ADAM12: variants seen among roughly 807,000 people sequenced by gnomAD.
ADAM12 encodes ADAM metallopeptidase domain 12.
A neutral mutation model predicts 106.4 loss-of-function variants in ADAM12; 70 were observed. That is an observed-to-expected ratio of 0.66 (90% CI 0.54 to 0.80). ADAM12 has a LOEUF of 0.80. ADAM12 is among the 30% of genes least tolerant of loss of function. The pLI is 0.00. For synonymous variants in ADAM12, 420 were observed against 433.5 expected (o/e 0.97, Z 0.39); for missense variants, 1,010 against 1,171.9 (o/e 0.86, Z 2.02).
chr10:126,291,044 AAG>A (rs2133779305), intron 2 of ADAM12, among the ~76,000 whole-genome samples: 4 of 152,346 alleles, frequency 2.6e-5, no homozygotes, highest in African/African-American at 9.6e-5. Flanking sequence ...GAGGCCTTCT[AAG>A]ACACAGCCAG....
chr10:126,229,474 T>TTA (rs1190204895), intron 3 of ADAM12, among the ~76,000 whole-genome samples: 1 of 152,098 alleles, frequency 6.6e-6, no homozygotes, highest in African/African-American at 2.4e-5. Context: ...AATAAAAAAG[T>TTA]TATATATATT....
chr10:126,216,969 A>G (rs1361589399), intron 3 of ADAM12, among the ~76,000 whole-genome samples: 1 of 152,218 alleles, frequency 6.6e-6, no homozygotes, highest in Non-Finnish European at 1.5e-5. Flanking sequence ...ATCCCACATG[A>G]CAATTAAGGA....
At chr10:126,162,490 C>T (rs941461581) in intron 3 of ADAM12, among the ~76,000 whole-genome samples, 1 of 152,124 alleles carries the variant, frequency 6.6e-6, no homozygotes, top group Non-Finnish European at 1.5e-5. Flanking sequence ...GGGGACAGAA[C>T]CTACATGCTG....
intron 10 of ADAM12, among the ~76,000 whole-genome samples, chr10:126,098,007 G>T (rs1167021677): frequency 1.3e-5 from 2 of 152,234 alleles, no homozygotes; most frequent in South Asian, 2.1e-4. Flanking sequence ...GGGCCATTGG[G>T]CTTGGAGACA....
At chr10:126,036,101 T>G (rs763977740) in intron 21 of ADAM12, 45 bp downstream of exon 21, 1 of 1,335,588 alleles carries the variant, frequency 7.5e-7, no homozygotes, top group Non-Finnish European at 9.7e-7. Flanking sequence ...AGTAGCAGAA[T>G]CTGGATTTGA....
At chr10:126,284,391 T>C (rs943597219) in intron 2 of ADAM12, among the ~76,000 whole-genome samples, 1 of 148,126 alleles carries the variant, frequency 6.8e-6, no homozygotes. Context: ...GTAGCAGCCA[T>C]GTGGAGATCT....
rs145928429 is a variant in ADAM12 at position 126,382,173 on chromosome 10, C to T, written c.88+5885G>A. Among the ~76,000 whole-genome samples the T allele has an allele frequency of 3.6e-4, 50 of 137,780 alleles. No individual in the cohort carries two copies. The East Asian group carries it at 9.0e-3, about 25-fold the overall frequency. The allele number at this position is 137,780 out of a possible 152,430, so 90.4% of individuals were successfully genotyped here. ...GTTTGGGAACAGGGGGCACTGGGCA[C>T]TGGAACAGGGGGCACTGTATGGGCC... On this transcript the variant is annotated intron_variant, in intron 1 of 22. Coordinates refer to ENST00000448723, the MANE Select transcript of ADAM12 (RefSeq NM_001288973.2).
intron 6 of ADAM12, among the ~76,000 whole-genome samples, chr10:126,111,700 T>C (rs954142260): frequency 1.3e-5 from 2 of 152,206 alleles, no homozygotes; most frequent in Non-Finnish European, 2.9e-5. Flanking sequence ...AACACAATTT[T>C]CCTGTCTCTG....
chr10:126,176,416 A>C (rs1957220760), intron 3 of ADAM12, among the ~76,000 whole-genome samples: 1 of 152,222 alleles, frequency 6.6e-6, no homozygotes, highest in Non-Finnish European at 1.5e-5. Flanking sequence ...AGGTGATATG[A>C]AATAGAGTTT....
intron 8 of ADAM12, among the ~76,000 whole-genome samples, chr10:126,108,129 C>G (rs143244205): frequency 2.6e-5 from 4 of 152,182 alleles, no homozygotes; most frequent in Non-Finnish European, 4.4e-5. Context: ...TGTTCCAGGA[C>G]AGTGAAGCCT....
At chr10:126,138,815 A>AACTCTT (rs1018454659) in intron 4 of ADAM12, among the ~76,000 whole-genome samples, 9 of 41,452 alleles carry the variant, frequency 2.2e-4, no homozygotes, top group African/African-American at 1.3e-3. Context: ...ATCTACACAT[A>AACTCTT]TCTTTTTCTT....
chr10:126,066,995 T>A lies in ADAM12; in HGVS notation c.1324-189A>T. On this transcript the variant is annotated intron_variant, in intron 12 of 22. Transcript: ENST00000448723. The surrounding 1 kb of genome is among the most constrained non-coding windows in gnomAD (Gnocchi z 5.1). The stretch of plus-strand genomic sequence containing the variant: ...CTGCTTTTTATGAACCAACTGGGTC[T>A]ACGAGTCCCTGGAAAAAGCCAGTAG... 1 of 564,816 alleles carries A rather than the reference T, an allele frequency of 1.8e-6. No individual in the cohort carries two copies. Among genetic ancestry groups the A allele is most frequent in the Non-Finnish European group, 3.2e-6 (1 of 313,060 alleles). The allele number at this position is 564,816 out of a possible 1,614,324, so 35.0% of individuals were successfully genotyped here. A position where few individuals can be genotyped will look rare whatever the true frequency, so the allele number is the denominator to read the frequency against.
At chr10:126,166,225 G>A (rs1957021025) in intron 3 of ADAM12, among the ~76,000 whole-genome samples, 1 of 152,180 alleles carries the variant, frequency 6.6e-6, no homozygotes, top group African/African-American at 2.4e-5. Flanking sequence ...GTTCAGATGA[G>A]CCTATCTGTT....
intron 3 of ADAM12, among the ~76,000 whole-genome samples, chr10:126,194,763 G>C (rs1323051837): frequency 6.6e-6 from 1 of 152,114 alleles, no homozygotes; most frequent in African/African-American, 2.4e-5. Flanking sequence ...CCTGGTTCTG[G>C]GTCTGCAGTG....
chr10:126,207,831 G>C (rs918533244), intron 3 of ADAM12, among the ~76,000 whole-genome samples: 1 of 152,084 alleles, frequency 6.6e-6, no homozygotes, highest in Admixed American at 6.6e-5. Context: ...AGGAATTAGA[G>C]ATTCAATTCC....
At chr10:126,065,469 TAGTC>T (rs1192836895) in intron 13 of ADAM12, among the ~76,000 whole-genome samples, 10 of 152,208 alleles carry the variant, frequency 6.6e-5, no homozygotes, top group African/African-American at 2.2e-4. Flanking sequence ...ATAGCAATTT[TAGTC>T]AGTCGTCAAA....
chr10:126,135,268 A>G (rs1289131478), intron 5 of ADAM12: 2 of 325,380 alleles, frequency 6.1e-6, no homozygotes, highest in African/African-American at 4.2e-5. Flanking sequence ...ATTATAAAGC[A>G]TCAGAGCCAC....
chr10:126,108,277 G>C (rs1276798620), intron 8 of ADAM12, among the ~76,000 whole-genome samples: 1 of 152,176 alleles, frequency 6.6e-6, no homozygotes, highest in Admixed American at 6.5e-5. Flanking sequence ...GAATCCAAAG[G>C]ATCAGGTGAA....
At chr10:126,350,002 G>C (rs769440942) in intron 1 of ADAM12, among the ~76,000 whole-genome samples, 5 of 152,164 alleles carry the variant, frequency 3.3e-5, no homozygotes, top group Non-Finnish European at 7.3e-5. Context: ...AGTAGCCTTT[G>C]TTTCATCTTT....
Sources: gnomAD v4.1 joint callset for allele counts (sites outside exome capture counted in the v4.1 genomes callset) on GRCh38, gnomAD v4.1.1 for gene constraint, Gnocchi (gnomAD v3.1) non-coding constraint, MANE v1.5 for transcripts, NCBI Gene and HGNC (gene_info 2026-07-23, HGNC 2026-07-21) for gene names.